HEXB: variants seen among roughly 807,000 people sequenced by gnomAD.
The protein encoded by HEXB is hexosaminidase subunit beta, also known as beta-hexosaminidase subunit beta.
In HEXB, 51 loss-of-function variants were observed where a neutral mutation model predicts 71.2. The ratio of observed to expected loss-of-function variants is 0.72; its 90% CI spans 0.57 to 0.90. HEXB has a LOEUF of 0.90. HEXB is among the 40% of genes least tolerant of loss of function. The pLI is 0.00. For missense variants in HEXB, 617 were observed against 677.0 expected (o/e 0.91, Z 0.98); for synonymous variants, 266 against 249.3 (o/e 1.07, Z -0.63).
At chr5:74,676,977 C>T (rs1748642139) in intron 1 of HEXB, among the ~76,000 whole-genome samples, 1 of 152,036 alleles carries the variant, frequency 6.6e-6, no homozygotes, top group South Asian at 2.1e-4. Context: ...AACTCCACCT[C>T]CTGGGTTCAT....
chr5:74,657,694 A>AT (rs1195138160), intron 1 of HEXB, among the ~76,000 whole-genome samples: 2 of 152,176 alleles, frequency 1.3e-5, no homozygotes, highest in Non-Finnish European at 2.9e-5. Context: ...AAACCCTTAA[A>AT]TAAGAATGTG....
At chr5:74,710,447 G>A (rs1309519599) in intron 6 of HEXB, among the ~76,000 whole-genome samples, 1 of 152,162 alleles carries the variant, frequency 6.6e-6, no homozygotes, top group African/African-American at 2.4e-5. Context: ...GGGCAATTAG[G>A]CAGGAGAAGG....
rs150920196 is a variant in HEXB at position 74,666,025 on chromosome 5, G to A, written c.-376-23303G>A. On this transcript the variant is annotated intron_variant, in intron 1 of 13. Coordinates refer to the HEXB transcript ENST00000511181. Reference sequence around the variant, plus strand: ...TCATTAAAAAAATGCATTATACAGAGTTGTACAGATGCCAGATACTTATTA... The same window carrying A: ...TCATTAAAAAAATGCATTATACAGAATTGTACAGATGCCAGATACTTATTA... 5.5e-3 allele frequency among the ~76,000 whole-genome samples: 838 copies of A among 152,250 alleles called. 9 individuals are homozygous for A. Among genetic ancestry groups the A allele is most frequent in the African/African-American group, 0.019 (786 of 41,540 alleles).
intron 1 of HEXB, among the ~76,000 whole-genome samples, chr5:74,674,281 C>T (rs79228497): frequency 6.6e-6 from 1 of 151,996 alleles, no homozygotes. Context: ...AAATCTATAA[C>T]AAGAGTCCAA....
intron 13 of HEXB, 136 bp from the exon 14 acceptor site, chr5:74,720,977 TCTTCC>T: frequency 1.2e-6 from 1 of 852,378 alleles, no homozygotes; most frequent in Non-Finnish European, 1.9e-6. Flanking sequence ...GCTTTAATTT[TCTTCC>T]CTTATTTTCA....
chr5:74,660,997 A>G (rs758239207), intron 1 of HEXB, among the ~76,000 whole-genome samples: 1 of 152,132 alleles, frequency 6.6e-6, no homozygotes, highest in Non-Finnish European at 1.5e-5. Flanking sequence ...GGCAACAAGA[A>G]ATCCATGGGT....
chr5:74,703,439 C>G (rs1036915887), intron 5 of HEXB, among the ~76,000 whole-genome samples: 1 of 152,098 alleles, frequency 6.6e-6, no homozygotes. Flanking sequence ...TTCAAGGAAC[C>G]CTTTTAGTGG....
At chr5:74,661,581 C>CTG (rs1748327391) in intron 1 of HEXB, among the ~76,000 whole-genome samples, 4 of 149,688 alleles carry the variant, frequency 2.7e-5, no homozygotes, top group Non-Finnish European at 5.9e-5. Context: ...CTCTCTCTCT[C>CTG]TCTTTCATCT....
intron 5 of HEXB, among the ~76,000 whole-genome samples, chr5:74,703,402 G>C (rs545255480): frequency 6.6e-6 from 1 of 152,118 alleles, no homozygotes; most frequent in East Asian, 1.9e-4. Context: ...TCCCTGTCCC[G>C]GTCTTTTCTG....
At position 74,652,131 on chromosome 5, in the gene HEXB, A is replaced by G. The variant is rs1216541034; in HGVS notation, c.-377+11573A>G. 1.3e-5 allele frequency among the ~76,000 whole-genome samples: 2 copies of G among 152,226 alleles called. No individual in the cohort carries two copies. Among genetic ancestry groups the G allele is most frequent in the Non-Finnish European group, 1.5e-5 (1 of 68,028 alleles). ...AAATGATGAACTCTTTTACGTGAGTAGGTAATACATATGCATGGATCAACC... is the reference window on the plus strand; with the variant it reads ...AAATGATGAACTCTTTTACGTGAGTGGGTAATACATATGCATGGATCAACC... On this transcript the variant is annotated intron_variant, in intron 1 of 13. Transcript: ENST00000511181. The surrounding 1 kb of genome is among the most constrained non-coding windows in gnomAD (Gnocchi z 5.4).
At chr5:74,717,035 A>C (rs1749687686) in intron 9 of HEXB, among the ~76,000 whole-genome samples, 2 of 152,186 alleles carry the variant, frequency 1.3e-5, no homozygotes, top group South Asian at 4.2e-4. Flanking sequence ...ACTAAAAATG[A>C]AAAAATTAGC....
intron 2 of HEXB, among the ~76,000 whole-genome samples, chr5:74,692,809 C>A (rs1467800514): frequency 2.6e-5 from 4 of 152,196 alleles, no homozygotes; most frequent in Non-Finnish European, 4.4e-5. Flanking sequence ...AAAGCTGTTA[C>A]ACCCTTTAGC....
intron 2 of HEXB, among the ~76,000 whole-genome samples, chr5:74,693,112 G>C (rs1326493229): frequency 6.6e-6 from 1 of 152,194 alleles, no homozygotes; most frequent in African/African-American, 2.4e-5. Flanking sequence ...GGTGGGTACA[G>C]GGCAAGTAGA....
At chr5:74,688,048 C>G (rs1244555698) in intron 1 of HEXB, among the ~76,000 whole-genome samples, 2 of 151,924 alleles carry the variant, frequency 1.3e-5, no homozygotes, top group South Asian at 2.1e-4. Context: ...TTTTTGGATA[C>G]CAAAAACAAT....
At chr5:74,710,055 C>A (rs1204306111) in intron 6 of HEXB, among the ~76,000 whole-genome samples, 1 of 152,034 alleles carries the variant, frequency 6.6e-6, no homozygotes, top group African/African-American at 2.4e-5. Flanking sequence ...ACTGGCAAAC[C>A]AAATCCAGCA....
intron 1 of HEXB, among the ~76,000 whole-genome samples, chr5:74,669,726 G>A (rs186104136): frequency 6.6e-6 from 1 of 152,186 alleles, no homozygotes; most frequent in Admixed American, 6.5e-5. Flanking sequence ...GAGAGAGGGA[G>A]GATTTCCAGG....
chr5:74,655,650 TTAATTA>T (rs948289244), intron 1 of HEXB, among the ~76,000 whole-genome samples: 4 of 152,196 alleles, frequency 2.6e-5, no homozygotes, highest in African/African-American at 9.7e-5. Flanking sequence ...ATCATTCATT[TTAATTA>T]TTTCTTGAAT....
chr5:74,713,663 A>T (rs1412352657), intron 7 of HEXB, 28 bp downstream of exon 7: 1 of 1,591,144 alleles, frequency 6.3e-7, no homozygotes, highest in Admixed American at 1.7e-5. Flanking sequence ...ATTTCATTTT[A>T]TCTTATTTTT....
chr5:74,692,228 T>G (rs1749017967), intron 2 of HEXB, among the ~76,000 whole-genome samples: 1 of 150,452 alleles, frequency 6.6e-6, no homozygotes, highest in South Asian at 2.1e-4. Context: ...CTGGGTACAG[T>G]AGCTGACACC....
Sources: gnomAD v4.1 joint callset for allele counts (sites outside exome capture counted in the v4.1 genomes callset) on GRCh38, gnomAD v4.1.1 for gene constraint, Gnocchi (gnomAD v3.1) non-coding constraint, MANE v1.5 for transcripts, NCBI Gene and HGNC (gene_info 2026-07-23, HGNC 2026-07-21) for gene names.